The following CCSER1 variants were observed in gnomAD, a reference collection of about 807,000 sequenced individuals.
CCSER1 encodes coiled-coil serine rich protein 1.
In CCSER1, 41 loss-of-function variants were observed where a neutral mutation model predicts 82.0. The observed-to-expected ratio is 0.50, with a 90% CI of 0.39 to 0.65. CCSER1 has a LOEUF of 0.65. Ranked by LOEUF, CCSER1 falls within the 30% of genes least tolerant of loss-of-function variation. CCSER1 has a pLI of 0.00. For missense variants in CCSER1, 1,119 were observed against 1,064.2 expected (o/e 1.05, Z -0.72); for synonymous variants, 414 against 383.9 (o/e 1.08, Z -0.92).
At chr4:90,233,981 G>A (rs1384796671) in intron 1 of CCSER1, among the ~76,000 whole-genome samples, 8 of 152,036 alleles carry the variant, frequency 5.3e-5, no homozygotes. Flanking sequence ...ATGTAATAAA[G>A]TGTTTTAAGG....
chr4:91,020,165 T>G (rs1739802054), intron 9 of CCSER1, among the ~76,000 whole-genome samples: 1 of 152,168 alleles, frequency 6.6e-6, no homozygotes, highest in African/African-American at 2.4e-5. Flanking sequence ...GTACTTAAGA[T>G]GGAATTTTTT....
chr4:90,242,589 A>G (rs184545127), intron 1 of CCSER1, among the ~76,000 whole-genome samples: 11 of 152,356 alleles, frequency 7.2e-5, no homozygotes, highest in Admixed American at 5.9e-4. Flanking sequence ...GTAGTAAGCT[A>G]TCAGTTAGCA....
At chr4:91,457,603 G>A (rs762182770) in intron 10 of CCSER1, among the ~76,000 whole-genome samples, 1 of 152,066 alleles carries the variant, frequency 6.6e-6, no homozygotes, top group Non-Finnish European at 1.5e-5. Flanking sequence ...CCAGGAGGTC[G>A]AGGCTGAAGT....
intron 10 of CCSER1, among the ~76,000 whole-genome samples, chr4:91,205,400 TTTAA>T (rs1368368767): frequency 2.0e-5 from 3 of 151,852 alleles, no homozygotes; most frequent in Non-Finnish European, 2.9e-5. Flanking sequence ...AAATATTATC[TTTAA>T]TTACAGACAA....
chr4:90,581,677 C>T (rs994710178), intron 5 of CCSER1, among the ~76,000 whole-genome samples: 16 of 152,126 alleles, frequency 1.1e-4, no homozygotes, highest in African/African-American at 3.9e-4. Context: ...GCCTCCTGCT[C>T]TCCGTGTGAC....
At chr4:90,286,560 C>G (rs1006429960) in intron 1 of CCSER1, among the ~76,000 whole-genome samples, 2 of 151,908 alleles carry the variant, frequency 1.3e-5, no homozygotes, top group Admixed American at 1.3e-4. Context: ...TGACTTGACT[C>G]ACAACTTAAA....
intron 5 of CCSER1, among the ~76,000 whole-genome samples, chr4:90,616,405 G>A (rs535959408): frequency 6.6e-6 from 1 of 151,978 alleles, no homozygotes; most frequent in Non-Finnish European, 1.5e-5. Context: ...TTTAGACTGG[G>A]TGTAGTGGCT....
At chr4:91,183,684 T>C (rs1581729492) in intron 10 of CCSER1, among the ~76,000 whole-genome samples, 1 of 152,228 alleles carries the variant, frequency 6.6e-6, no homozygotes, top group Non-Finnish European at 1.5e-5. Flanking sequence ...TACTAAGTCC[T>C]GTTCTTGGAC....
intron 10 of CCSER1, among the ~76,000 whole-genome samples, chr4:91,342,832 C>A (rs961514577): frequency 1.3e-4 from 20 of 152,020 alleles, no homozygotes; most frequent in Admixed American, 6.6e-5. Context: ...ATGCAGCTTT[C>A]TTTTCATTTG....
At chr4:91,556,715 T>G (rs1762425222) in intron 10 of CCSER1, among the ~76,000 whole-genome samples, 1 of 151,118 alleles carries the variant, frequency 6.6e-6, no homozygotes, top group South Asian at 2.1e-4. Flanking sequence ...TTTCTAATAT[T>G]TCAGCAACTT....
intron 5 of CCSER1, among the ~76,000 whole-genome samples, chr4:90,470,871 AAGTATT>A (rs1764306333): frequency 6.6e-6 from 1 of 151,996 alleles, no homozygotes; most frequent in South Asian, 2.1e-4. Flanking sequence ...CTATATCCAA[AAGTATT>A]TGGTGGCGAT....
intron 8 of CCSER1, among the ~76,000 whole-genome samples, chr4:90,829,824 C>G (rs528622181): frequency 6.6e-6 from 1 of 152,238 alleles, no homozygotes; most frequent in South Asian, 2.1e-4. Flanking sequence ...GGGTGGGCTT[C>G]CTGCATATGC....
chr4:90,790,468 T>C, intron 7 of CCSER1, among the ~76,000 whole-genome samples: 1 of 152,234 alleles, frequency 6.6e-6, no homozygotes, highest in East Asian at 1.9e-4. Context: ...GGAATTTTAA[T>C]GTTCCTACCT....
intron 9 of CCSER1, among the ~76,000 whole-genome samples, chr4:90,930,910 T>TTATATATA (rs70963098): frequency 0.01 from 1,113 of 109,558 alleles, 11 homozygotes; most frequent in East Asian, 0.028. Flanking sequence ...TATCCTTATT[T>TTATATATA]TATATATATA....
intron 5 of CCSER1, among the ~76,000 whole-genome samples, chr4:90,578,367 G>C (rs28510767): frequency 0.015 from 2,340 of 152,124 alleles, 55 homozygotes; most frequent in African/African-American, 0.053. Flanking sequence ...TGAGCTTGTA[G>C]AGGCCACCTA....
chr4:91,499,947 G>A (rs1759117117), intron 10 of CCSER1, among the ~76,000 whole-genome samples: 1 of 151,940 alleles, frequency 6.6e-6, no homozygotes, highest in African/African-American at 2.4e-5. Context: ...CAATGTATAG[G>A]TTTCTGAGTG....
chr4:90,693,007 A>G (rs1328161349), intron 6 of CCSER1, among the ~76,000 whole-genome samples: 1 of 151,950 alleles, frequency 6.6e-6, no homozygotes, highest in East Asian at 1.9e-4. Flanking sequence ...TATACCAGAA[A>G]GACACACACA....
chr4:91,471,388 A>G (rs1042558182), intron 10 of CCSER1, among the ~76,000 whole-genome samples: 1 of 151,764 alleles, frequency 6.6e-6, no homozygotes, highest in South Asian at 2.1e-4. Context: ...CTGTGTGCAC[A>G]GATGGCTGAA....
intron 10 of CCSER1, among the ~76,000 whole-genome samples, chr4:91,311,746 C>T (rs140761418): frequency 6.6e-5 from 10 of 152,074 alleles, no homozygotes; most frequent in Non-Finnish European, 1.3e-4. Flanking sequence ...ATTTAGCTTA[C>T]ATATTTGCAA....
Sources: allele counts gnomAD v4.1 joint callset (sites outside exome capture counted in the v4.1 genomes callset), GRCh38; gene constraint gnomAD v4.1.1; transcripts MANE v1.5; gene names NCBI Gene and HGNC (gene_info 2026-07-23, HGNC 2026-07-21).